SSH2: variants seen among roughly 807,000 people sequenced by gnomAD.
SSH2 encodes protein phosphatase Slingshot homolog 2.
A neutral mutation model predicts 135.2 loss-of-function variants in SSH2; 37 were observed. The ratio of observed to expected loss-of-function variants is 0.27; its 90% CI spans 0.21 to 0.36. The LOEUF (loss-of-function observed/expected upper bound fraction) is 0.36, where lower values mean the gene tolerates loss of function less well. Ranked by LOEUF, SSH2 falls within the 10% of genes least tolerant of loss-of-function variation. SSH2 has a pLI of 1.00. For missense variants in SSH2, 1,408 were observed against 1,765.3 expected, an observed-to-expected ratio of 0.80 and a Z score of 3.63; for synonymous variants, 628 against 646.2, an observed-to-expected ratio of 0.97 and a Z score of 0.43.
At chr17:29,844,678 C>T (rs1459626428) in intron 2 of SSH2, among the ~76,000 whole-genome samples, 1 of 152,244 alleles carries the variant, frequency 6.6e-6, no homozygotes, top group Non-Finnish European at 1.5e-5. Flanking sequence ...TGGGGGCAGA[C>T]AGATCCTCTC....
At chr17:29,840,181 A>G (rs565849434) in intron 2 of SSH2, among the ~76,000 whole-genome samples, 13 of 152,340 alleles carry the variant, frequency 8.5e-5, no homozygotes, top group Non-Finnish European at 1.5e-5. Context: ...GCCTCAGATT[A>G]TGGAAGCAAG....
chr17:29,780,231 A>G (rs2041810335), intron 3 of SSH2, among the ~76,000 whole-genome samples: 1 of 152,070 alleles, frequency 6.6e-6, no homozygotes, highest in Non-Finnish European at 1.5e-5. Context: ...AGCAACAACA[A>G]CAAAAAAACC....
At chr17:29,640,347 A>G (rs2036100429) in intron 14 of SSH2, among the ~76,000 whole-genome samples, 1 of 122,362 alleles carries the variant, frequency 8.2e-6, no homozygotes, top group African/African-American at 2.5e-5. Context: ...AAGTGCTGGG[A>G]TTATAGGCGT....
intron 3 of SSH2, among the ~76,000 whole-genome samples, chr17:29,772,672 C>G (rs2041612820): frequency 6.6e-6 from 1 of 151,958 alleles, no homozygotes; most frequent in South Asian, 2.1e-4. Context: ...ACCAATCTAC[C>G]TGGGCTACAG....
At chr17:29,637,376 T>G (rs951792293) in intron 14 of SSH2, among the ~76,000 whole-genome samples, 2 of 152,246 alleles carry the variant, frequency 1.3e-5, no homozygotes, top group Non-Finnish European at 2.9e-5. Flanking sequence ...CCAGCTGAAC[T>G]GTAGATTTTA....
chr17:29,729,525 T>A lies in SSH2; in HGVS notation c.189-26463A>T, dbSNP rs578002897. On this transcript the variant is annotated intron_variant, in intron 3 of 15. Coordinates refer to ENST00000540801, the MANE Select transcript of SSH2 (RefSeq NM_001282129.2). ...ATAGAACTACCATACGATCCAGCAA[T>A]CTCGTTGCTGGGCATATACCCAAAG... Among the ~76,000 whole-genome samples, 12 of 152,300 alleles carry A rather than the reference T, an allele frequency of 7.9e-5. No homozygotes were observed. The East Asian group carries it at 1.9e-3, about 24-fold the overall frequency.
intron 3 of SSH2, among the ~76,000 whole-genome samples, chr17:29,777,146 A>G (rs1221419965): frequency 1.3e-5 from 2 of 151,788 alleles, no homozygotes; most frequent in Non-Finnish European, 2.9e-5. Flanking sequence ...TGGAAGATGG[A>G]GGTTGCAGTG....
intron 3 of SSH2, among the ~76,000 whole-genome samples, chr17:29,778,402 G>C (rs147935783): frequency 2.0e-5 from 3 of 152,286 alleles, no homozygotes; most frequent in African/African-American, 4.8e-5. Context: ...CACTTTGGGA[G>C]GCTGAGGCGG....
At chr17:29,752,385 G>T (rs1355645545) in intron 3 of SSH2, among the ~76,000 whole-genome samples, 1 of 152,032 alleles carries the variant, frequency 6.6e-6, no homozygotes, top group East Asian at 1.9e-4. Flanking sequence ...GCATCTGTAA[G>T]AATTTAATAT....
At chr17:29,702,657 A>C (rs573839263) in intron 4 of SSH2, among the ~76,000 whole-genome samples, 3 of 152,340 alleles carry the variant, frequency 2.0e-5, no homozygotes, top group East Asian at 1.9e-4. Context: ...TCCATCTCAA[A>C]AAAACAAAAC....
chr17:29,853,923 T>G (rs1490442375), intron 1 of SSH2, among the ~76,000 whole-genome samples: 2 of 151,144 alleles, frequency 1.3e-5, no homozygotes, highest in East Asian at 3.9e-4. Context: ...CTGCACAACA[T>G]AGCAAGATAG....
At chr17:29,896,922 G>A (rs888172656) in intron 1 of SSH2, among the ~76,000 whole-genome samples, 1 of 151,682 alleles carries the variant, frequency 6.6e-6, no homozygotes, top group South Asian at 2.1e-4. Context: ...ACTAAGGGGG[G>A]TACGAAAATG....
At chr17:29,836,707 T>C (rs1364491392) in intron 2 of SSH2, among the ~76,000 whole-genome samples, 1 of 152,202 alleles carries the variant, frequency 6.6e-6, no homozygotes, top group Non-Finnish European at 1.5e-5. Context: ...ACTTTTCTAA[T>C]TATAAAGTGA....
rs550008764 is a variant in SSH2 at position 29,867,380 on chromosome 17, A to G, written c.64-18451T>C. The stretch of plus-strand genomic sequence containing the variant: ...AGCTATCTGTGGTTTAAATACAACC[A>G]TCAACTTCCCCCAGCCCCTGCCACA... On this transcript the variant is annotated intron_variant, in intron 1 of 15. Coordinates refer to ENST00000540801, the MANE Select transcript of SSH2 (RefSeq NM_001282129.2). Among the ~76,000 whole-genome samples the G allele has an allele frequency of 2.0e-5, 3 of 152,342 alleles. 1 individual carries two copies. The South Asian group carries it at 6.2e-4, about 32-fold the overall frequency.
intron 4 of SSH2, among the ~76,000 whole-genome samples, chr17:29,696,006 C>A (rs934943550): frequency 3.9e-5 from 6 of 151,930 alleles, no homozygotes; most frequent in African/African-American, 1.5e-4. Flanking sequence ...TGCATTTGAC[C>A]TAGGAAGACT....
chr17:29,917,853 T>C (rs1223297041), intron 1 of SSH2, among the ~76,000 whole-genome samples: 1 of 151,902 alleles, frequency 6.6e-6, no homozygotes, highest in African/African-American at 2.4e-5. Flanking sequence ...AGATTCCATC[T>C]CAAAAATAAA....
intron 2 of SSH2, among the ~76,000 whole-genome samples, chr17:29,843,262 C>G (rs1265654078): frequency 6.6e-6 from 1 of 152,088 alleles, no homozygotes; most frequent in African/African-American, 2.4e-5. Flanking sequence ...AGGCTGGGCG[C>G]GGTGGCTCAC....
chr17:29,848,191 G>A (rs963852810), intron 2 of SSH2, among the ~76,000 whole-genome samples: 3 of 152,178 alleles, frequency 2.0e-5, no homozygotes, highest in African/African-American at 7.2e-5. Context: ...AGGATATACT[G>A]AGAATTTCCA....
intron 3 of SSH2, among the ~76,000 whole-genome samples, chr17:29,757,235 C>A (rs1218878507): frequency 6.6e-6 from 1 of 152,050 alleles, no homozygotes; most frequent in Non-Finnish European, 1.5e-5. Context: ...AGAAATAACA[C>A]TTCCCTTTAG....
Sources: gnomAD v4.1 joint callset for allele counts (sites outside exome capture counted in the v4.1 genomes callset) on GRCh38, gnomAD v4.1.1 for gene constraint, MANE v1.5 for transcripts, NCBI Gene and HGNC (gene_info 2026-07-23, HGNC 2026-07-21) for gene names.